Variants in ATP6V1E1 observed in about 807,000 individuals in gnomAD.
ATP6V1E1 encodes the protein ATPase H+ transporting V1 subunit E1, also known as V-type proton ATPase subunit E 1.
In ATP6V1E1, 21 loss-of-function variants were observed where a neutral mutation model predicts 35.2. That is an observed-to-expected ratio of 0.60 (90% CI 0.42 to 0.86). The LOEUF (loss-of-function observed/expected upper bound fraction) is 0.86, where lower values mean the gene tolerates loss of function less well. ATP6V1E1 is among the 40% of genes least tolerant of loss of function. ATP6V1E1 has a pLI of 0.00. For missense variants in ATP6V1E1, 183 were observed against 272.6 expected, an observed-to-expected ratio of 0.67 and a Z score of 2.32; for synonymous variants, 83 against 87.8, an observed-to-expected ratio of 0.95 and a Z score of 0.30.
chr22:17,603,329 C>G (rs945411213), intron 4 of ATP6V1E1, among the ~76,000 whole-genome samples: 1 of 151,726 alleles, frequency 6.6e-6, no homozygotes, highest in Non-Finnish European at 1.5e-5. Flanking sequence ...TGAGACCAGC[C>G]GGGGCAACAG....
chr22:17,606,660 T>A (rs146433397), intron 4 of ATP6V1E1, among the ~76,000 whole-genome samples: 61 of 152,340 alleles, frequency 4.0e-4, no homozygotes, highest in African/African-American at 1.4e-3. Flanking sequence ...ACAGCCCAGC[T>A]TGTGAACAGG....
chr22:17,601,586 C>T (rs2057762244), intron 4 of ATP6V1E1, among the ~76,000 whole-genome samples: 1 of 152,112 alleles, frequency 6.6e-6, no homozygotes, highest in African/African-American at 2.4e-5. Flanking sequence ...CTTTGGAAGG[C>T]CAGATTACGA....
intron 2 of ATP6V1E1, among the ~76,000 whole-genome samples, chr22:17,615,645 A>T (rs1363255159): frequency 6.6e-6 from 1 of 152,004 alleles, no homozygotes; most frequent in Non-Finnish European, 1.5e-5. Flanking sequence ...CACGCCTGCA[A>T]TCCCAGCACT....
chr22:17,603,992 G>C (rs2057773661), intron 4 of ATP6V1E1, among the ~76,000 whole-genome samples: 2 of 152,172 alleles, frequency 1.3e-5, no homozygotes, highest in African/African-American at 4.8e-5. Flanking sequence ...TTTGCATAAG[G>C]AATCTACTAT....
At position 17,616,871 on chromosome 22, in the gene ATP6V1E1, AC is replaced by A. The variant is rs1319117361; in HGVS notation, c.99+2589del. On this transcript the variant is annotated intron_variant, in intron 2 of 8. Transcript: ENST00000253413. ...AGACCATCCCGGCTAAAACGGTGAA[AC>A]CCCGTCTCTACTAAAAATACAAAAA... Among the ~76,000 whole-genome samples, 2 of 82,960 alleles carry A rather than the reference AC, an allele frequency of 2.4e-5. 1 individual carries two copies. Among genetic ancestry groups the A allele is most frequent in the Non-Finnish European group, 5.3e-5 (2 of 37,876 alleles). 54.4% of individuals were successfully genotyped at this position (82,960 alleles called of 152,430 possible).
chr22:17,594,096 G>T (rs548131199), intron 8 of ATP6V1E1, among the ~76,000 whole-genome samples: 1 of 152,200 alleles, frequency 6.6e-6, no homozygotes, highest in Admixed American at 6.5e-5. Flanking sequence ...CAGCTACTCG[G>T]GAGGCTGAAG....
At chr22:17,623,729 C>G (rs1030193442) in intron 1 of ATP6V1E1, among the ~76,000 whole-genome samples, 2 of 152,128 alleles carry the variant, frequency 1.3e-5, no homozygotes, top group African/African-American at 4.8e-5. Flanking sequence ...CAAGTTTGGC[C>G]TCTAAAGGTG....
At chr22:17,621,781 T>A (rs1407593516) in intron 1 of ATP6V1E1, among the ~76,000 whole-genome samples, 1 of 152,210 alleles carries the variant, frequency 6.6e-6, no homozygotes, top group Non-Finnish European at 1.5e-5. Flanking sequence ...TTTTTGGGCC[T>A]CAGCTTGTAT....
In ATP6V1E1 at chr22:17,624,706, A is replaced by G. The variant is rs181397115; in HGVS notation, c.33+3897T>C. On this transcript the variant is annotated intron_variant, in intron 1 of 8. Coordinates refer to ENST00000253413, the MANE Select transcript of ATP6V1E1 (RefSeq NM_001696.4). ...TGTGGTGACATACGCCTGTAGTCCCAGCTACTGGAGAGGCTGAGACAGGAG... is the reference window on the plus strand; with the variant it reads ...TGTGGTGACATACGCCTGTAGTCCCGGCTACTGGAGAGGCTGAGACAGGAG... Among the ~76,000 whole-genome samples, 190 of 152,176 alleles carry G rather than the reference A, an allele frequency of 1.2e-3. 1 individual carries two copies. Among genetic ancestry groups the G allele is most frequent in the South Asian group, 5.2e-3 (25 of 4,820 alleles).
chr22:17,621,743 T>C (rs1568894437), intron 1 of ATP6V1E1, among the ~76,000 whole-genome samples: 1 of 152,222 alleles, frequency 6.6e-6, no homozygotes, highest in Admixed American at 6.5e-5. Context: ...ATGCTGTTCC[T>C]TCCATTTGGA....
intron 4 of ATP6V1E1, among the ~76,000 whole-genome samples, chr22:17,603,211 A>T (rs554689117): frequency 6.6e-6 from 1 of 152,216 alleles, no homozygotes; most frequent in African/African-American, 2.4e-5. Flanking sequence ...CGGCCTCCCA[A>T]AGTGCTGGGA....
intron 4 of ATP6V1E1, among the ~76,000 whole-genome samples, chr22:17,604,296 G>A (rs1481944253): frequency 6.6e-6 from 1 of 152,116 alleles, no homozygotes; most frequent in Non-Finnish European, 1.5e-5. Context: ...ACAGCAACAT[G>A]TGTCTCTCAC....
chr22:17,599,721 A>G (rs1220095100), intron 6 of ATP6V1E1, among the ~76,000 whole-genome samples: 1 of 151,648 alleles, frequency 6.6e-6, no homozygotes, highest in Non-Finnish European at 1.5e-5. Flanking sequence ...GGAGTTCGAG[A>G]CCAGCCTGGC....
intron 2 of ATP6V1E1, among the ~76,000 whole-genome samples, chr22:17,616,350 A>C (rs1182358807): frequency 6.6e-6 from 1 of 151,344 alleles, no homozygotes; most frequent in East Asian, 1.9e-4. Context: ...TCCGTCTCAA[A>C]ACTAAATAAA....
At chr22:17,624,187 A>G (rs2057892068) in intron 1 of ATP6V1E1, among the ~76,000 whole-genome samples, 1 of 152,158 alleles carries the variant, frequency 6.6e-6, no homozygotes, top group East Asian at 1.9e-4. Context: ...AACAACACAC[A>G]CTGTCCTCAT....
At chr22:17,612,708 A>C in intron 4 of ATP6V1E1, 104 bp downstream of exon 4, 3 of 963,918 alleles carry the variant, frequency 3.1e-6, no homozygotes, top group Non-Finnish European at 4.6e-6. Flanking sequence ...TTTCTCTCTA[A>C]AGATTATTCA....
chr22:17,599,623 G>C (rs1176502147), intron 6 of ATP6V1E1, among the ~76,000 whole-genome samples: 1 of 140,100 alleles, frequency 7.1e-6, no homozygotes, highest in African/African-American at 2.6e-5. Context: ...ATAAAAGATA[G>C]AAGTGGGTTT....
At chr22:17,606,798 C>T (rs141091282) in intron 4 of ATP6V1E1, among the ~76,000 whole-genome samples, 402 of 152,352 alleles carry the variant, frequency 2.6e-3, no homozygotes, top group African/African-American at 9.0e-3. Flanking sequence ...GACATCTTGA[C>T]TGCCAAATCC....
At chr22:17,596,450 C>T (rs909282982) in intron 7 of ATP6V1E1, among the ~76,000 whole-genome samples, 5 of 150,910 alleles carry the variant, frequency 3.3e-5, no homozygotes, top group South Asian at 2.1e-4. Context: ...CCTCCTCTCT[C>T]GCCATGTGGT....
Sources: gnomAD v4.1 joint callset for allele counts (sites outside exome capture counted in the v4.1 genomes callset) on GRCh38, gnomAD v4.1.1 for gene constraint, MANE v1.5 for transcripts, NCBI Gene and HGNC (gene_info 2026-07-23, HGNC 2026-07-21) for gene names.